CTNND2: variants seen among roughly 807,000 people sequenced by gnomAD.
The protein encoded by CTNND2 is catenin delta 2, also known as catenin delta-2.
Under a neutral mutation model 144.4 loss-of-function variants are expected in CTNND2, and 22 were observed. That is an observed-to-expected ratio of 0.15 (90% CI 0.11 to 0.22). CTNND2 has a LOEUF of 0.22. Among genes scored for constraint, CTNND2 ranks in the 10% least tolerant of loss-of-function variants. The pLI, the probability that CTNND2 is intolerant of heterozygous loss-of-function variation, is 1.00. For missense variants in CTNND2, 1,353 were observed against 1,618.8 expected, an observed-to-expected ratio of 0.84 and a Z score of 2.82; for synonymous variants, 751 against 695.6, an observed-to-expected ratio of 1.08 and a Z score of -1.25.
chr5:11,635,011 G>A (rs930073232), intron 2 of CTNND2, among the ~76,000 whole-genome samples: 1 of 151,958 alleles, frequency 6.6e-6, no homozygotes, highest in African/African-American at 2.4e-5. Flanking sequence ...GAAATTAGAG[G>A]TAGGGATTAT....
chr5:11,761,800 T>C (rs1460809841), intron 1 of CTNND2, among the ~76,000 whole-genome samples: 3 of 152,146 alleles, frequency 2.0e-5, no homozygotes, highest in Non-Finnish European at 2.9e-5. Flanking sequence ...CTGTGCACTA[T>C]TTTATACAAA....
chr5:11,612,944 C>T (rs1448464282), intron 2 of CTNND2, among the ~76,000 whole-genome samples: 1 of 152,172 alleles, frequency 6.6e-6, no homozygotes, highest in Non-Finnish European at 1.5e-5. Flanking sequence ...CACAGACTTT[C>T]ATCATTCTCC....
At chr5:11,569,129 A>C (rs1205199662) in intron 2 of CTNND2, among the ~76,000 whole-genome samples, 1 of 152,134 alleles carries the variant, frequency 6.6e-6, no homozygotes, top group Non-Finnish European at 1.5e-5. Context: ...TGGTGATGTA[A>C]ATCAGGCTGC....
At chr5:11,409,660 T>G (rs550768120) in intron 5 of CTNND2, among the ~76,000 whole-genome samples, 2 of 152,104 alleles carry the variant, frequency 1.3e-5, no homozygotes, top group Non-Finnish European at 2.9e-5. Flanking sequence ...AACTCCCATC[T>G]TTGGCCCTGC....
chr5:11,459,457 C>T (rs987455104), intron 3 of CTNND2, among the ~76,000 whole-genome samples: 9 of 152,168 alleles, frequency 5.9e-5, no homozygotes, highest in Non-Finnish European at 1.2e-4. Context: ...TTATTAAATA[C>T]AATATATTGA....
intron 1 of CTNND2, among the ~76,000 whole-genome samples, chr5:11,822,155 T>C (rs1462141854): frequency 6.6e-6 from 1 of 152,160 alleles, no homozygotes; most frequent in Admixed American, 6.5e-5. Context: ...AAGAAGAACT[T>C]GAGACTCAGA....
chr5:11,494,069 T>C (rs952066285), intron 3 of CTNND2, among the ~76,000 whole-genome samples: 3 of 152,170 alleles, frequency 2.0e-5, no homozygotes, highest in Admixed American at 1.3e-4. Context: ...ATTATTGAAA[T>C]TTAAAGGACT....
rs550221304 is a variant in CTNND2, at chr5:11,195,924, T to C, written c.1975+3524A>G. Among the ~76,000 whole-genome samples the C allele has an allele frequency of 8.5e-5, 13 of 152,350 alleles. No individual in the cohort carries two copies. In the East Asian group the frequency reaches 2.3e-3, roughly 27 times the overall value. On this transcript the variant is annotated intron_variant, in intron 11 of 21. Coordinates refer to ENST00000304623, the MANE Select transcript of CTNND2 (RefSeq NM_001332.4). ...AAATAAAATTATCATCATCATCTCA[T>C]AGTAATTATTGCATAGGAAGAAAAT...
intron 1 of CTNND2, among the ~76,000 whole-genome samples, chr5:11,734,756 T>C (rs1057255153): frequency 2.0e-5 from 3 of 152,208 alleles, no homozygotes; most frequent in East Asian, 1.9e-4. Flanking sequence ...TTATTACGTA[T>C]GTCTAGTTAA....
chr5:11,071,289 G>T (rs72729281), intron 16 of CTNND2, among the ~76,000 whole-genome samples: 12,118 of 152,210 alleles, frequency 0.08, 592 homozygotes, highest in Non-Finnish European at 0.1. Flanking sequence ...TGTAATCCCA[G>T]CACTCTGGGA....
At chr5:11,228,367 A>C (rs1003856885) in intron 10 of CTNND2, among the ~76,000 whole-genome samples, 3 of 146,110 alleles carry the variant, frequency 2.1e-5, no homozygotes, top group Non-Finnish European at 4.4e-5. Context: ...AAAAAAAAAA[A>C]AAAAAAAAAA....
At chr5:11,547,218 A>T (rs1471485167) in intron 3 of CTNND2, among the ~76,000 whole-genome samples, 1 of 151,930 alleles carries the variant, frequency 6.6e-6, no homozygotes, top group Non-Finnish European at 1.5e-5. Context: ...CGGTGAGCCA[A>T]GATCACGCCA....
At chr5:11,319,401 A>C (rs1011738862) in intron 9 of CTNND2, among the ~76,000 whole-genome samples, 3 of 152,232 alleles carry the variant, frequency 2.0e-5, no homozygotes, top group East Asian at 3.8e-4. Flanking sequence ...AATATTTATA[A>C]ATTAAAATGT....
At chr5:11,601,512 C>G (rs1779793348) in intron 2 of CTNND2, among the ~76,000 whole-genome samples, 1 of 151,642 alleles carries the variant, frequency 6.6e-6, no homozygotes, top group Admixed American at 6.6e-5. Context: ...ATTTGAAAAC[C>G]CTTAATCATT....
At chr5:11,163,099 A>G (rs1451088955) in intron 11 of CTNND2, among the ~76,000 whole-genome samples, 1 of 152,134 alleles carries the variant, frequency 6.6e-6, no homozygotes, top group African/African-American at 2.4e-5. Context: ...ATTTCCTTCA[A>G]ATGGTGGAGC....
chr5:11,868,785 T>G (rs1463950347), intron 1 of CTNND2, among the ~76,000 whole-genome samples: 1 of 152,190 alleles, frequency 6.6e-6, no homozygotes, highest in Non-Finnish European at 1.5e-5. Context: ...TCTTGCCATG[T>G]GAGGCCCTCC....
intron 19 of CTNND2, among the ~76,000 whole-genome samples, chr5:10,990,475 C>G (rs1247826946): frequency 6.6e-6 from 1 of 152,176 alleles, no homozygotes; most frequent in African/African-American, 2.4e-5. Context: ...GGTTCACCAT[C>G]TTTCTCTTCC....
At chr5:11,760,936 T>C (rs1300193300) in intron 1 of CTNND2, among the ~76,000 whole-genome samples, 8 of 152,206 alleles carry the variant, frequency 5.3e-5, no homozygotes, top group Admixed American at 3.9e-4. Flanking sequence ...TGATCACGTT[T>C]AACCTATTCT....
intron 16 of CTNND2, among the ~76,000 whole-genome samples, chr5:11,052,324 C>G (rs1319242045): frequency 6.6e-6 from 1 of 152,132 alleles, no homozygotes; most frequent in Non-Finnish European, 1.5e-5. Context: ...GCCCAATACT[C>G]CCCTGACACA....
Sources: gnomAD v4.1 joint callset for allele counts (sites outside exome capture counted in the v4.1 genomes callset) on GRCh38, gnomAD v4.1.1 for gene constraint, MANE v1.5 for transcripts, NCBI Gene and HGNC (gene_info 2026-07-23, HGNC 2026-07-21) for gene names.